Variants in UAP1 observed in about 807,000 individuals in gnomAD.
UAP1 encodes the protein UDP-N-acetylhexosamine pyrophosphorylase.
UAP1 carries 25 observed loss-of-function variants against 58.5 expected under a neutral mutation model. That is an observed-to-expected ratio of 0.43 (90% CI 0.31 to 0.60). The LOEUF is 0.60. Among genes scored for constraint, UAP1 ranks in the 20% least tolerant of loss-of-function variants. The pLI is 0.11. For synonymous variants in UAP1, 208 were observed against 213.0 expected (o/e 0.98, Z 0.21); for missense variants, 575 against 630.0 (o/e 0.91, Z 0.93).
exon 8 of UAP1, chr1:162,590,508 C>T: frequency 6.3e-7 from 1 of 1,598,198 alleles, no homozygotes; most frequent in Non-Finnish European, 8.5e-7. Context: ...CCAGCAATTC[C>T]CCGGTAAGTC....
intron 2 of UAP1, among the ~76,000 whole-genome samples, chr1:162,567,925 A>G (rs1653619372): frequency 6.6e-6 from 1 of 152,058 alleles, no homozygotes; most frequent in Non-Finnish European, 1.5e-5. Flanking sequence ...CTTCCCGAGT[A>G]GCTGGGATTA....
Position 162,581,271 on chromosome 1 carries a change from C to T in UAP1, c.662-16C>T, listed in dbSNP as rs755329154. Reference sequence around the variant, plus strand: ...TGGATTTTGATATGCTACTAATGGGCTATTTTGTTTTCCAGATGGGAATGG... The same window carrying T: ...TGGATTTTGATATGCTACTAATGGGTTATTTTGTTTTCCAGATGGGAATGG... On this transcript the variant is annotated splice_polypyrimidine_tract_variant and intron_variant, in intron 4 of 10. Coordinates refer to ENST00000271469, the Ensembl canonical transcript of UAP1. 12 of 1,602,992 alleles carry T rather than the reference C, an allele frequency of 7.5e-6. No homozygotes were observed. Among genetic ancestry groups the T allele is most frequent in the Non-Finnish European group, 9.4e-6 (11 of 1,173,056 alleles).
intron 2 of UAP1, among the ~76,000 whole-genome samples, chr1:162,566,743 C>T (rs1415834198): frequency 1.3e-5 from 2 of 152,114 alleles, no homozygotes; most frequent in African/African-American, 4.8e-5. Context: ...TCTCCTGCCT[C>T]AGCCTCCCAA....
In UAP1 at chr1:162,583,626, G is replaced by GTTTA. The variant is rs763688305; in HGVS notation, c.834+2187_834+2190dup. 3.6e-4 allele frequency among the ~76,000 whole-genome samples: 54 copies of GTTTA among 151,890 alleles called. No homozygotes were observed. In the East Asian group the frequency reaches 5.4e-3, roughly 15 times the overall value. On this transcript the variant is annotated intron_variant, in intron 5 of 10. Transcript: ENST00000271469. ...AATCCTGAGTTCTAGTACTTTGTTT[G>GTTTA]TTTATTTATTTATTTATTTATTTGA...
intron 2 of UAP1, among the ~76,000 whole-genome samples, chr1:162,567,093 A>G (rs1653561753): frequency 2.6e-5 from 4 of 151,972 alleles, no homozygotes; most frequent in Admixed American, 2.0e-4. Context: ...CCCTTTCTCT[A>G]CCTAGCTAGG....
intron 1 of UAP1, among the ~76,000 whole-genome samples, chr1:162,564,734 A>G (rs1329918185): frequency 6.6e-6 from 1 of 152,124 alleles, no homozygotes; most frequent in Non-Finnish European, 1.5e-5. Context: ...TCTGAAGTCT[A>G]AATTCTTTTG....
chr1:162,571,556 C>T (rs181633611), intron 2 of UAP1, among the ~76,000 whole-genome samples: 3 of 152,252 alleles, frequency 2.0e-5, no homozygotes, highest in African/African-American at 4.8e-5. Context: ...CAGTGTTTTT[C>T]AGTATTTCTG....
At chr1:162,571,256 G>C (rs1056767894) in intron 2 of UAP1, among the ~76,000 whole-genome samples, 1 of 151,902 alleles carries the variant, frequency 6.6e-6, no homozygotes, top group Non-Finnish European at 1.5e-5. Context: ...AGCCTCCCCA[G>C]TAGCTGAGAT....
chr1:162,586,354 C>G (rs544946535), intron 5 of UAP1, among the ~76,000 whole-genome samples: 1 of 152,156 alleles, frequency 6.6e-6, no homozygotes, highest in East Asian at 1.9e-4. Flanking sequence ...CAGGGTCTTA[C>G]TCTGTTGCCC....
chr1:162,584,397 G>A (rs1364623353), intron 5 of UAP1, among the ~76,000 whole-genome samples: 1 of 152,166 alleles, frequency 6.6e-6, no homozygotes, highest in Admixed American at 6.5e-5. Context: ...GAAAATCAAA[G>A]CATTAAAATA....
intron 2 of UAP1, among the ~76,000 whole-genome samples, chr1:162,573,468 T>A (rs12131179): frequency 0.44 from 66,267 of 151,948 alleles, 16,008 homozygotes; most frequent in Non-Finnish European, 0.54. Context: ...TATTTTGGGT[T>A]CTATTTTGGT....
intron 7 of UAP1, 143 bp from the exon 8 acceptor site, chr1:162,590,180 C>T: frequency 1.6e-6 from 1 of 623,356 alleles, no homozygotes; most frequent in East Asian, 3.0e-5. Context: ...TTTCTTTAGT[C>T]CAAGGGTGAG....
intron 8 of UAP1, among the ~76,000 whole-genome samples, chr1:162,591,028 G>A (rs1655278601): frequency 6.6e-6 from 1 of 150,988 alleles, no homozygotes; most frequent in Non-Finnish European, 1.5e-5. Flanking sequence ...TGTTCAAATC[G>A]ATTCTCCTAC....
At chr1:162,600,476 A>T (rs908721388), downstream of UAP1, among the ~76,000 whole-genome samples, 1 of 152,180 alleles carries the variant, frequency 6.6e-6, no homozygotes, top group Non-Finnish European at 1.5e-5. Context: ...AGCTTTATAA[A>T]TGCATCTTAA....
chr1:162,601,033 G>A (rs1165169037), downstream of UAP1, among the ~76,000 whole-genome samples: 1 of 152,226 alleles, frequency 6.6e-6, no homozygotes, highest in Non-Finnish European at 1.5e-5. Context: ...ATGGGATTGT[G>A]TAGTGGTTTT....
chr1:162,593,281 T>A (rs1294748184), intron 9 of UAP1: 1 of 153,704 alleles, frequency 6.5e-6, no homozygotes, highest in Non-Finnish European at 1.4e-5. Context: ...GTCACTGCAT[T>A]AATTTTAGTC....
chr1:162,573,710 A>T (rs2101755805), intron 2 of UAP1, among the ~76,000 whole-genome samples: 1 of 152,274 alleles, frequency 6.6e-6, no homozygotes, highest in South Asian at 2.1e-4. Context: ...CATATCTGTA[A>T]TCCCAGCACT....
intron 5 of UAP1, among the ~76,000 whole-genome samples, chr1:162,585,687 T>G (rs1654865856): frequency 6.6e-6 from 1 of 152,138 alleles, no homozygotes; most frequent in Admixed American, 6.6e-5. Flanking sequence ...AAGTAAACCT[T>G]TGGGAAATGT....
At chr1:162,570,225 C>T (rs1487965021) in intron 2 of UAP1, among the ~76,000 whole-genome samples, 4 of 152,042 alleles carry the variant, frequency 2.6e-5, no homozygotes, top group African/African-American at 9.7e-5. Context: ...ACTAATCTCT[C>T]TGATTCCACC....
Sources: gnomAD v4.1 joint callset for allele counts (sites outside exome capture counted in the v4.1 genomes callset) on GRCh38, gnomAD v4.1.1 for gene constraint, MANE v1.5 for transcripts, NCBI Gene and HGNC (gene_info 2026-07-23, HGNC 2026-07-21) for gene names.